The following ISM1 variants were observed in gnomAD, a reference collection of about 807,000 sequenced individuals.
ISM1 encodes isthmin 1.
A neutral mutation model predicts 46.3 loss-of-function variants in ISM1; 25 were observed. The ratio of observed to expected loss-of-function variants is 0.54; its 90% confidence interval spans 0.39 to 0.75. ISM1 has a LOEUF of 0.75. ISM1 is among the 30% of genes least tolerant of loss of function. The pLI is 0.00. For missense variants in ISM1, 536 were observed against 625.4 expected (o/e 0.86, Z 1.52); for synonymous variants, 255 against 256.7 (o/e 0.99, Z 0.06).
intron 1 of ISM1, among the ~76,000 whole-genome samples, chr20:13,228,536 G>A (rs969624409): frequency 1.1e-4 from 17 of 151,916 alleles, no homozygotes; most frequent in Non-Finnish European, 2.1e-4. Flanking sequence ...CCATTTCTTT[G>A]TAGGTGATTT....
the ISM1 span, among the ~76,000 whole-genome samples, chr20:13,326,510 T>A: frequency 1.4e-5 from 2 of 147,902 alleles, no homozygotes; most frequent in African/African-American, 5.1e-5. Flanking sequence ...TTGCTACACA[T>A]CCTCACCAAC....
intron 4 of ISM1, among the ~76,000 whole-genome samples, chr20:13,289,372 G>A (rs994662382): frequency 2.0e-5 from 3 of 152,318 alleles, no homozygotes; most frequent in Non-Finnish European, 2.9e-5. Flanking sequence ...TAATACCAGA[G>A]AGTTGCCAAA....
At chr20:13,257,967 T>A (rs2039946197) in intron 1 of ISM1, among the ~76,000 whole-genome samples, 1 of 152,076 alleles carries the variant, frequency 6.6e-6, no homozygotes, top group African/African-American at 2.4e-5. Flanking sequence ...CATAGCCTAC[T>A]TACTATCTAG....
At chr20:13,296,184 C>A (rs917147739) in intron 5 of ISM1, among the ~76,000 whole-genome samples, 15 of 152,146 alleles carry the variant, frequency 9.9e-5, no homozygotes, top group Non-Finnish European at 7.3e-5. Context: ...GGTGACCAGC[C>A]CACATTTCCT....
intron 2 of ISM1, among the ~76,000 whole-genome samples, chr20:13,274,016 C>G (rs1450680345): frequency 1.3e-5 from 2 of 152,038 alleles, no homozygotes; most frequent in Non-Finnish European, 2.9e-5. Context: ...AAGAATAAAA[C>G]AACTGCTACC....
At chr20:13,269,005 C>T (rs138787189) in intron 1 of ISM1, among the ~76,000 whole-genome samples, 1 of 152,284 alleles carries the variant, frequency 6.6e-6, no homozygotes, top group East Asian at 1.9e-4. Flanking sequence ...TGTGTTTCAG[C>T]CTCAGTGCTC....
chr20:13,324,337 G>A, the ISM1 span, among the ~76,000 whole-genome samples: 1 of 152,208 alleles, frequency 6.6e-6, no homozygotes, highest in Non-Finnish European at 1.5e-5. Flanking sequence ...CTTGCTAGCT[G>A]CAAGATATAA....
intron 3 of ISM1, 58 bp from the exon 4 acceptor site, chr20:13,288,482 G>A (rs188833014): frequency 6.0e-4 from 936 of 1,559,014 alleles, no homozygotes; most frequent in Non-Finnish European, 7.7e-4. Flanking sequence ...CTGCTTGATG[G>A]GGAGATTGGG....
chr20:13,300,131 C>T lies in ISM1; in HGVS notation c.*672C>T, dbSNP rs1385000297. On this transcript the variant is annotated 3_prime_UTR_variant, in exon 6 of 6. Transcript: ENST00000262487. ...GGTAGGGAATATGATATTTTAGGGA[C>T]AAAGCTGAGGACTGGTTTTAAATAG... 6.6e-6 allele frequency: 1 copy of T among 152,052 alleles called. No individual in the cohort carries two copies. The highest frequency in any genetic ancestry group is 1.5e-5 in the Non-Finnish European group (1 of 68,026). The allele number at this position is 152,052 out of a possible 1,614,324, so 9.4% of individuals were successfully genotyped here.
intron 3 of ISM1, among the ~76,000 whole-genome samples, chr20:13,282,011 C>T (rs958478159): frequency 2.0e-5 from 3 of 152,188 alleles, no homozygotes; most frequent in African/African-American, 7.2e-5. Flanking sequence ...GACTCCAGAC[C>T]TACTGAGTCA....
chr20:13,319,693 G>A, the ISM1 span, among the ~76,000 whole-genome samples: 1 of 152,162 alleles, frequency 6.6e-6, no homozygotes, highest in African/African-American at 2.4e-5. Context: ...TTAAGTTTTG[G>A]CTACAGGAAA....
rs60897306 is a variant in ISM1, at chr20:13,269,934, AGGATGGAT to A, written c.139-545_139-538del. On this transcript the variant is annotated intron_variant, in intron 1 of 5. Transcript: ENST00000262487. ...TTGGATGGATGGGTGTGTGGGTGGA[AGGATGGAT>A]GGATGGATGGATGGATGGATGGATA... is the stretch of plus-strand genomic sequence containing the variant. Among the ~76,000 whole-genome samples, 23 of 149,908 alleles carry A rather than the reference AGGATGGAT, an allele frequency of 1.5e-4. No individual in the cohort carries two copies. In the East Asian group the frequency reaches 2.2e-3, roughly 14 times the overall value.
intron 1 of ISM1, among the ~76,000 whole-genome samples, chr20:13,235,795 T>C (rs749282658): frequency 6.6e-6 from 1 of 152,210 alleles, no homozygotes; most frequent in African/African-American, 2.4e-5. Flanking sequence ...GCTTGGACAA[T>C]ATAAGCCTGC....
At position 13,299,300 on chromosome 20, in the gene ISM1, G is replaced by T. The variant is rs750157145; in HGVS notation, c.1236G>T (p.Ala412=). The change falls in exon 6 of 6, where the codon GCG becomes GCT. Residue 412 remains alanine (A), a synonymous_variant. Transcript: ENST00000262487. The surrounding 1 kb of genome is among the most constrained non-coding windows in gnomAD (Gnocchi z 5.8). ...TPNLISTEFS[A]ELHYKVDVLP... Reference sequence around the variant, plus strand: ...ACCTCATCAGCACCGAGTTCTCCGCGGAGCTCCACTACAAGGTGGACGTCC... The same window carrying T: ...ACCTCATCAGCACCGAGTTCTCCGCTGAGCTCCACTACAAGGTGGACGTCC... 6.2e-7 allele frequency: 1 copy of T among 1,613,412 alleles called. No individual in the cohort carries two copies. The highest frequency in any genetic ancestry group is 8.5e-7 in the Non-Finnish European group (1 of 1,179,650).
At chr20:13,257,207 A>T (rs966647276) in intron 1 of ISM1, among the ~76,000 whole-genome samples, 1 of 152,162 alleles carries the variant, frequency 6.6e-6, no homozygotes, top group African/African-American at 2.4e-5. Flanking sequence ...AGTAACAGAG[A>T]AGCTTGGCTT....
Position 13,232,717 on chromosome 20 carries a change from G to A in ISM1, c.138+10803G>A, listed in dbSNP as rs117011047. Among the ~76,000 whole-genome samples the A allele has an allele frequency of 9.9e-5, 15 of 152,208 alleles. No homozygotes were observed. The East Asian group carries it at 2.1e-3, about 22-fold the overall frequency. ...AAGAAATTCTGGAAATCTTTTTGGT[G>A]CACTCACATAAAGTGTTTAGGATCT... On this transcript the variant is annotated intron_variant, in intron 1 of 5. Coordinates refer to ENST00000262487, the MANE Select transcript of ISM1 (RefSeq NM_080826.2).
intron 1 of ISM1, among the ~76,000 whole-genome samples, chr20:13,227,869 G>C (rs1012305173): frequency 2.0e-5 from 3 of 151,464 alleles, no homozygotes; most frequent in Admixed American, 6.6e-5. Flanking sequence ...TCTATCTTAG[G>C]AATCAATTCT....
At chr20:13,318,741 A>G in the ISM1 span, among the ~76,000 whole-genome samples, 1 of 152,174 alleles carries the variant, frequency 6.6e-6, no homozygotes, top group African/African-American at 2.4e-5. Flanking sequence ...ATATTTTTTG[A>G]AACTCAGTGA....
chr20:13,292,453 GT>G lies in ISM1; in HGVS notation c.870del (p.Phe290LeufsTer12). Reference protein sequence around the residue: ...GSEEFNATKLFEVDTDSCERW... With the variant: ...GSEEFNATKLXEVDTDSCERW... The stretch of plus-strand genomic sequence containing the variant: ...GCGAGGAGTTTAATGCCACCAAACT[GT>G]TTGAAGTTGGTAAGATTTTTTTCTT... On this transcript the variant is annotated frameshift_variant, in exon 5 of 6. Coordinates refer to ENST00000262487, the MANE Select transcript of ISM1 (RefSeq NM_080826.2). LOFTEE classifies it high-confidence loss of function. 6.3e-7 allele frequency: 1 copy of G among 1,593,548 alleles called. No homozygotes were observed. Among genetic ancestry groups the G allele is most frequent in the Non-Finnish European group, 8.6e-7 (1 of 1,168,458 alleles).
Sources: gnomAD v4.1 joint callset for allele counts (sites outside exome capture counted in the v4.1 genomes callset) on GRCh38, gnomAD v4.1.1 for gene constraint, Gnocchi (gnomAD v3.1) non-coding constraint, MANE v1.5 for transcripts, NCBI Gene and HGNC (gene_info 2026-07-23, HGNC 2026-07-21) for gene names.